Variants in TMEM178B observed in about 807,000 individuals in gnomAD.
TMEM178B encodes transmembrane protein 178B.
Under a neutral mutation model 31.0 loss-of-function variants are expected in TMEM178B, and 5 were observed. That is an observed-to-expected ratio of 0.16 (90% CI 0.08 to 0.34). The LOEUF (loss-of-function observed/expected upper bound fraction) is 0.34, where lower values mean the gene tolerates loss of function less well. TMEM178B is among the 10% of genes least tolerant of loss of function. The pLI, the probability that TMEM178B is intolerant of heterozygous loss-of-function variation, is 1.00. For missense variants in TMEM178B, 275 were observed against 400.3 expected (o/e 0.69, Z 2.67); for synonymous variants, 164 against 164.0 (o/e 1.00, Z 0.00).
Position 141,197,388 on chromosome 7 carries a change from C to T in TMEM178B, c.383-15203C>T, listed in dbSNP as rs192422245. 2.6e-5 allele frequency among the ~76,000 whole-genome samples: 4 copies of T among 152,282 alleles called. No homozygotes were observed. The East Asian group carries it at 7.7e-4, about 29-fold the overall frequency. The stretch of plus-strand genomic sequence containing the variant: ...ATGTTCTTTATTCTGCATAGTGCTG[C>T]AGGACACAGGAGGAAAAGAGTGAAT... On this transcript the variant is annotated intron_variant, in intron 1 of 3. Coordinates refer to ENST00000565468, the MANE Select transcript of TMEM178B (RefSeq NM_001195278.2).
At chr7:141,248,121 G>A (rs2116331561) in intron 2 of TMEM178B, among the ~76,000 whole-genome samples, 1 of 152,096 alleles carries the variant, frequency 6.6e-6, no homozygotes, top group South Asian at 2.1e-4. Flanking sequence ...TTAAAGATGG[G>A]GATACGTGGC....
intron 1 of TMEM178B, among the ~76,000 whole-genome samples, chr7:141,130,637 T>C (rs1320963660): frequency 1.3e-5 from 2 of 152,206 alleles, no homozygotes; most frequent in African/African-American, 4.8e-5. Flanking sequence ...AATATTTTTG[T>C]TCATATCTTT....
intron 2 of TMEM178B, among the ~76,000 whole-genome samples, chr7:141,333,189 A>G (rs567314816): frequency 6.6e-6 from 1 of 152,330 alleles, no homozygotes; most frequent in Non-Finnish European, 1.5e-5. Flanking sequence ...TTAGACATAA[A>G]CGTTGATAAA....
intron 2 of TMEM178B, among the ~76,000 whole-genome samples, chr7:141,276,763 A>C (rs967415502): frequency 6.6e-6 from 1 of 152,164 alleles, no homozygotes; most frequent in Non-Finnish European, 1.5e-5. Flanking sequence ...TACTTAACAC[A>C]ATCTGGATGG....
At position 141,214,600 on chromosome 7, in the gene TMEM178B, C is replaced by T. The variant is rs1797101883; in HGVS notation, c.496+1896C>T. On this transcript the variant is annotated intron_variant, in intron 2 of 3. Transcript: ENST00000565468. ...ACCTGGTAGAACTCTTTTGACTGCA[C>T]ACACTGTAGATACCTGGAATTCAAA... Among the ~76,000 whole-genome samples the T allele has an allele frequency of 2.0e-5, 3 of 152,190 alleles. No individual in the cohort carries two copies. In the South Asian group the frequency reaches 6.2e-4, roughly 32 times the overall value.
chr7:141,481,152 G>A (rs1802467677), downstream of TMEM178B, among the ~76,000 whole-genome samples: 1 of 152,200 alleles, frequency 6.6e-6, no homozygotes, highest in African/African-American at 2.4e-5. Flanking sequence ...GCCGTATGGC[G>A]CTGCTTCTGC....
chr7:141,098,921 ATCTG>A (rs1365137607), intron 1 of TMEM178B, among the ~76,000 whole-genome samples: 1 of 152,184 alleles, frequency 6.6e-6, no homozygotes, highest in Non-Finnish European at 1.5e-5. Context: ...CCTTTTAATA[ATCTG>A]TCTGGCTCCA....
At chr7:141,278,831 A>AAT (rs1211644054) in intron 2 of TMEM178B, among the ~76,000 whole-genome samples, 31 of 152,186 alleles carry the variant, frequency 2.0e-4, no homozygotes, top group African/African-American at 7.5e-4. Context: ...GAAATTTAAG[A>AAT]ATAATCGTGT....
chr7:141,096,259 T>A (rs1794959658), intron 1 of TMEM178B, among the ~76,000 whole-genome samples: 1 of 152,230 alleles, frequency 6.6e-6, no homozygotes, highest in Non-Finnish European at 1.5e-5. Flanking sequence ...AGCCAGGCTA[T>A]TTTACTCAGC....
intron 1 of TMEM178B, among the ~76,000 whole-genome samples, chr7:141,089,555 G>C (rs2129172092): frequency 6.6e-6 from 1 of 152,256 alleles, no homozygotes; most frequent in East Asian, 1.9e-4. Flanking sequence ...AAAGACACAT[G>C]CACACATATG....
At chr7:141,487,524 G>A in the TMEM178B span, among the ~76,000 whole-genome samples, 1 of 151,906 alleles carries the variant, frequency 6.6e-6, no homozygotes, top group Non-Finnish European at 1.5e-5. Flanking sequence ...CAGATCACTT[G>A]AGGTCAGGAG....
rs202192206 is a variant in TMEM178B at position 141,224,852 on chromosome 7, G to T, written c.496+12148G>T. Among the ~76,000 whole-genome samples, 6 of 152,342 alleles carry T rather than the reference G, an allele frequency of 3.9e-5. No individual in the cohort carries two copies. In the East Asian group the frequency reaches 1.2e-3, roughly 29 times the overall value. ...GACCCTTCAAAGTCTCCTGAATGAG[G>T]TTGAAATGGCTGGGTCTTTACACTC... is the stretch of plus-strand genomic sequence containing the variant. On this transcript the variant is annotated intron_variant, in intron 2 of 3. Transcript: ENST00000565468.
Position 141,178,538 on chromosome 7 carries a change from A to G in TMEM178B, c.383-34053A>G, listed in dbSNP as rs555611281. ...AAAGCTTAAAACAATTTCATTGACA[A>G]TAACCATAGAATTGGTTGTAGAAAT... On this transcript the variant is annotated intron_variant, in intron 1 of 3. Coordinates refer to ENST00000565468, the MANE Select transcript of TMEM178B (RefSeq NM_001195278.2). Among the ~76,000 whole-genome samples, 50 of 152,350 alleles carry G rather than the reference A, an allele frequency of 3.3e-4. No individual in the cohort carries two copies. The South Asian group carries it at 0.01, about 31-fold the overall frequency.
chr7:141,429,810 T>C (rs1801390141), intron 2 of TMEM178B: 1 of 152,198 alleles, frequency 6.6e-6, no homozygotes, highest in African/African-American at 2.4e-5. Flanking sequence ...GATAAAAACA[T>C]AAAATGTTAT....
intron 2 of TMEM178B, among the ~76,000 whole-genome samples, chr7:141,222,602 T>C (rs1481290916): frequency 6.6e-6 from 1 of 152,208 alleles, no homozygotes; most frequent in East Asian, 1.9e-4. Flanking sequence ...GGTCCCATAC[T>C]GAGGTCCCAT....
In TMEM178B at chr7:141,083,318, TA is replaced by T. The variant is rs1794717831; in HGVS notation, c.382+8630del. On this transcript the variant is annotated intron_variant, in intron 1 of 3. Transcript: ENST00000565468. ...TTTATATGACTTATTTTCTCATATG[TA>T]AAATAATGTGTTTAGATTCTATAAA... Among the ~76,000 whole-genome samples the T allele has an allele frequency of 3.3e-5, 5 of 152,292 alleles. No individual in the cohort carries two copies. In the South Asian group the frequency reaches 1.0e-3, roughly 32 times the overall value.
intron 1 of TMEM178B, among the ~76,000 whole-genome samples, chr7:141,112,280 G>C (rs756081056): frequency 2.3e-4 from 35 of 152,112 alleles, no homozygotes; most frequent in Admixed American, 2.3e-3. Flanking sequence ...TAAAGGCAGA[G>C]TCTTGCTCTG....
chr7:141,173,389 T>C (rs1183852945), intron 1 of TMEM178B, among the ~76,000 whole-genome samples: 1 of 152,194 alleles, frequency 6.6e-6, no homozygotes, highest in Non-Finnish European at 1.5e-5. Flanking sequence ...ATCAATAATA[T>C]ACAAAATGTT....
At chr7:141,077,101 AT>A (rs1243802903) in intron 1 of TMEM178B, among the ~76,000 whole-genome samples, 1 of 152,232 alleles carries the variant, frequency 6.6e-6, no homozygotes, top group African/African-American at 2.4e-5. Flanking sequence ...ATAGAACACA[AT>A]TTTTACACTT....
Sources: allele counts gnomAD v4.1 joint callset (sites outside exome capture counted in the v4.1 genomes callset), GRCh38; gene constraint gnomAD v4.1.1; transcripts MANE v1.5; gene names NCBI Gene and HGNC (gene_info 2026-07-23, HGNC 2026-07-21).